Variants in MCC observed in about 807,000 individuals in gnomAD.
MCC encodes MCC regulator of Wnt signaling pathway, also known as colorectal mutant cancer protein.
In MCC, 90 loss-of-function variants were observed where a neutral mutation model predicts 116.2. The observed-to-expected ratio is 0.77, with a 90% CI of 0.65 to 0.92. The LOEUF (loss-of-function observed/expected upper bound fraction) is 0.92, where lower values mean the gene tolerates loss of function less well. MCC is among the 40% of genes least tolerant of loss of function. MCC has a pLI of 0.00. For missense variants in MCC, 1,516 were observed against 1,312.2 expected, an observed-to-expected ratio of 1.16 and a Z score of -2.40; for synonymous variants, 578 against 510.5, an observed-to-expected ratio of 1.13 and a Z score of -1.78.
intron 11 of MCC, among the ~76,000 whole-genome samples, chr5:113,079,789 A>G (rs1210825808): frequency 6.6e-6 from 1 of 152,250 alleles, no homozygotes; most frequent in African/African-American, 2.4e-5. Context: ...AATGGCACCA[A>G]AGGCAAAATA....
intron 3 of MCC, among the ~76,000 whole-genome samples, chr5:113,336,740 T>G (rs1323489699): frequency 6.6e-6 from 1 of 152,230 alleles, no homozygotes; most frequent in African/African-American, 2.4e-5. Flanking sequence ...TGTGGCCATT[T>G]TGCTACTTCG....
chr5:113,482,382 A>G (rs1772402671), intron 1 of MCC, among the ~76,000 whole-genome samples: 1 of 152,216 alleles, frequency 6.6e-6, no homozygotes, highest in African/African-American at 2.4e-5. Context: ...TATCGGCAAT[A>G]TAGAAGGGTT....
chr5:113,261,908 G>T (rs981693685), intron 3 of MCC, among the ~76,000 whole-genome samples: 9 of 151,952 alleles, frequency 5.9e-5, no homozygotes, highest in Admixed American at 5.9e-4. Context: ...ACTCCTAAAA[G>T]CTATTTTCAT....
intron 14 of MCC, among the ~76,000 whole-genome samples, chr5:113,063,741 C>T (rs1753383715): frequency 6.6e-6 from 1 of 152,222 alleles, no homozygotes; most frequent in Admixed American, 6.5e-5. Context: ...CTACCACTTT[C>T]CACAGCAAAT....
chr5:113,287,503 T>C (rs750305961), intron 3 of MCC, among the ~76,000 whole-genome samples: 5 of 152,098 alleles, frequency 3.3e-5, no homozygotes, highest in Non-Finnish European at 7.4e-5. Flanking sequence ...ACTTTTGTAT[T>C]TTTAGTAGAG....
intron 4 of MCC, among the ~76,000 whole-genome samples, 198 bp downstream of exon 4, chr5:113,151,111 G>A (rs766637048): frequency 6.6e-6 from 1 of 152,152 alleles, no homozygotes; most frequent in Non-Finnish European, 1.5e-5. Context: ...CGTAGCTTCT[G>A]GAACTGTGAG....
intron 14 of MCC, 151 bp downstream of exon 14, chr5:113,063,833 C>T: frequency 1.3e-6 from 1 of 750,516 alleles, no homozygotes; most frequent in South Asian, 2.6e-5. Context: ...CTTCTGACTC[C>T]TTTTTGGATG....
At chr5:113,309,315 T>C (rs1050767160) in intron 3 of MCC, among the ~76,000 whole-genome samples, 14 of 152,196 alleles carry the variant, frequency 9.2e-5, no homozygotes, top group African/African-American at 2.9e-4. Flanking sequence ...CTGTAGCCAA[T>C]AGGTAATTTT....
At position 113,084,094 on chromosome 5, in the gene MCC, C is replaced by CA; in HGVS notation, c.1635+6dup. 1 of 1,613,062 alleles carries CA rather than the reference C, an allele frequency of 6.2e-7. No individual in the cohort carries two copies. The highest frequency in any genetic ancestry group is 8.5e-7 in the Non-Finnish European group (1 of 1,179,072). Reference sequence around the variant, plus strand: ...ACTTTCTTGCCTTGCTTCTCATGAACACTCACCCCTATGCTACTGATTTCT... The same window carrying CA: ...ACTTTCTTGCCTTGCTTCTCATGAACAACTCACCCCTATGCTACTGATTTCT... On this transcript the variant is annotated splice_region_variant and intron_variant, in intron 10 of 18. Coordinates refer to ENST00000408903, the MANE Select transcript of MCC (RefSeq NM_001085377.2).
chr5:113,264,420 C>T (rs1765338418), intron 3 of MCC, among the ~76,000 whole-genome samples: 1 of 152,160 alleles, frequency 6.6e-6, no homozygotes, highest in Non-Finnish European at 1.5e-5. Context: ...TCTTTTCTTC[C>T]TCTCAAAGGT....
chr5:113,036,073 TC>T (rs1238031242), intron 17 of MCC, among the ~76,000 whole-genome samples: 1 of 124,810 alleles, frequency 8.0e-6, no homozygotes, highest in African/African-American at 3.0e-5. Context: ...TCTCACTCTT[TC>T]GCCCGGTCTG....
At chr5:113,156,377 C>G (rs566714108) in intron 3 of MCC, among the ~76,000 whole-genome samples, 1 of 152,168 alleles carries the variant, frequency 6.6e-6, no homozygotes, top group Non-Finnish European at 1.5e-5. Context: ...AAGTGACTAG[C>G]AGGGTGGCTG....
At chr5:113,322,786 G>T (rs1403594268) in intron 3 of MCC, among the ~76,000 whole-genome samples, 2 of 152,150 alleles carry the variant, frequency 1.3e-5, no homozygotes, top group African/African-American at 2.4e-5. Context: ...AAACAAGTAA[G>T]CAATGAATTG....
chr5:113,071,480 C>G (rs1754037355), intron 11 of MCC, among the ~76,000 whole-genome samples: 1 of 152,176 alleles, frequency 6.6e-6, no homozygotes, highest in Non-Finnish European at 1.5e-5. Flanking sequence ...CACACTCACT[C>G]CATGTCTATC....
At chr5:113,244,970 G>A (rs923886587) in intron 3 of MCC, among the ~76,000 whole-genome samples, 3 of 152,168 alleles carry the variant, frequency 2.0e-5, no homozygotes, top group Non-Finnish European at 4.4e-5. Context: ...ATTAGCCATT[G>A]TGGGTTAAAA....
At chr5:113,392,852 A>G (rs969315497) in intron 1 of MCC, among the ~76,000 whole-genome samples, 1 of 152,308 alleles carries the variant, frequency 6.6e-6, no homozygotes, top group African/African-American at 2.4e-5. Context: ...CCAGATGCCT[A>G]TCAACAGAAA....
At chr5:113,297,916 A>AT in intron 3 of MCC, among the ~76,000 whole-genome samples, 1 of 152,270 alleles carries the variant, frequency 6.6e-6, no homozygotes, top group East Asian at 1.9e-4. Context: ...AAAATTAGGA[A>AT]TTCCAGAGAA....
chr5:113,059,540 T>C (rs981601396), intron 14 of MCC, among the ~76,000 whole-genome samples: 1 of 152,224 alleles, frequency 6.6e-6, no homozygotes, highest in Non-Finnish European at 1.5e-5. Flanking sequence ...AATCAATCAC[T>C]TTCTGTGGCT....
intron 3 of MCC, among the ~76,000 whole-genome samples, chr5:113,253,106 G>A (rs1179913552): frequency 6.6e-6 from 1 of 152,150 alleles, no homozygotes; most frequent in African/African-American, 2.4e-5. Context: ...AACCCACTGG[G>A]GCACATAAAT....
Sources: allele counts gnomAD v4.1 joint callset (sites outside exome capture counted in the v4.1 genomes callset), GRCh38; gene constraint gnomAD v4.1.1; transcripts MANE v1.5; gene names NCBI Gene and HGNC (gene_info 2026-07-23, HGNC 2026-07-21).